Variants in CADM2 observed in about 807,000 individuals in gnomAD.
The protein encoded by CADM2 is cell adhesion molecule 2.
A neutral mutation model predicts 49.8 loss-of-function variants in CADM2; 12 were observed. The ratio of observed to expected loss-of-function variants is 0.24; its 90% CI spans 0.15 to 0.39. CADM2 has a LOEUF of 0.39. Ranked by LOEUF, CADM2 falls within the 10% of genes least tolerant of loss-of-function variation. The pLI is 1.00. For synonymous variants in CADM2, 214 were observed against 175.4 expected (o/e 1.22, Z -1.74); for missense variants, 378 against 492.3 (o/e 0.77, Z 2.20).
At chr3:85,235,515 T>C (rs2042389235) in intron 1 of CADM2, among the ~76,000 whole-genome samples, 1 of 152,098 alleles carries the variant, frequency 6.6e-6, no homozygotes, top group South Asian at 2.1e-4. Flanking sequence ...TTATAAAACA[T>C]AAAATTGAAA....
intron 1 of CADM2, among the ~76,000 whole-genome samples, chr3:85,303,944 A>G (rs1334114506): frequency 1.3e-5 from 2 of 151,958 alleles, no homozygotes; most frequent in East Asian, 3.9e-4. Context: ...CAAAATCTTT[A>G]GGTCTTTGGA....
Position 85,347,223 on chromosome 3 carries a change from C to CAAAAAAA in CADM2, c.62-379278_62-379272dup, listed in dbSNP as rs11331703. Among the ~76,000 whole-genome samples, 368 of 46,150 alleles carry CAAAAAAA rather than the reference C, an allele frequency of 8.0e-3. 23 individuals are homozygous for CAAAAAAA. The highest frequency in any genetic ancestry group is 0.018 in the East Asian group (18 of 1,010). 30.3% of individuals were successfully genotyped at this position (46,150 alleles called of 152,430 possible). ...GTCAACAGAGTGACACTCTGTCTCA[C>CAAAAAAA]AAAAAAAAAAAAAAAAAAAAAAAAA... is the stretch of plus-strand genomic sequence containing the variant. On this transcript the variant is annotated intron_variant, in intron 1 of 9. Transcript: ENST00000383699.
At chr3:86,030,407 A>C (rs1734420152) in intron 8 of CADM2, among the ~76,000 whole-genome samples, 1 of 152,028 alleles carries the variant, frequency 6.6e-6, no homozygotes, top group Admixed American at 6.6e-5. Flanking sequence ...GGAACTCTTA[A>C]GGATATTTAT....
chr3:86,045,815 T>C (rs1027883886), intron 8 of CADM2, among the ~76,000 whole-genome samples: 2 of 152,326 alleles, frequency 1.3e-5, no homozygotes, highest in Non-Finnish European at 2.9e-5. Flanking sequence ...TAGGCTAGTC[T>C]ATTAAATCTT....
chr3:85,120,491 C>T (rs1338857440), intron 1 of CADM2, among the ~76,000 whole-genome samples: 1 of 152,084 alleles, frequency 6.6e-6, no homozygotes, highest in African/African-American at 2.4e-5. Flanking sequence ...GAATACTATG[C>T]AGCCATAAAA....
At chr3:85,404,949 T>A (rs2035301101) in intron 1 of CADM2, among the ~76,000 whole-genome samples, 1 of 152,160 alleles carries the variant, frequency 6.6e-6, no homozygotes, top group African/African-American at 2.4e-5. Flanking sequence ...CTTCCTATTT[T>A]ACAGTTATAT....
At position 85,113,640 on chromosome 3, in the gene CADM2, T is replaced by C. The variant is rs2038536666; in HGVS notation, c.61+153972T>C. On this transcript the variant is annotated intron_variant, in intron 1 of 9. Transcript: ENST00000383699. Reference sequence around the variant, plus strand: ...TTACATTATATACTTCTAAATGTAATTAAAGCAATTTTATTTTAATATTTA... The same window carrying C: ...TTACATTATATACTTCTAAATGTAACTAAAGCAATTTTATTTTAATATTTA... 2.0e-5 allele frequency among the ~76,000 whole-genome samples: 3 copies of C among 151,740 alleles called. No individual in the cohort carries two copies. The South Asian group carries it at 6.2e-4, about 31-fold the overall frequency.
intron 1 of CADM2, among the ~76,000 whole-genome samples, chr3:85,700,065 G>A (rs943373320): frequency 5.3e-5 from 8 of 152,098 alleles, no homozygotes; most frequent in Non-Finnish European, 1.2e-4. Context: ...ATTCACAAAA[G>A]CAAAGACTTG....
intron 1 of CADM2, among the ~76,000 whole-genome samples, chr3:85,300,972 G>A (rs2044083356): frequency 6.6e-6 from 1 of 152,044 alleles, no homozygotes. Flanking sequence ...GAAATCAGAA[G>A]CAAGCAAACC....
chr3:85,607,198 A>G (rs146042179), intron 1 of CADM2, among the ~76,000 whole-genome samples: 111 of 152,306 alleles, frequency 7.3e-4, no homozygotes, highest in African/African-American at 2.4e-3. Flanking sequence ...TTTGCAGGCA[A>G]TTTCTTCAGT....
At chr3:85,645,447 A>G (rs1160966926) in intron 1 of CADM2, among the ~76,000 whole-genome samples, 1 of 152,074 alleles carries the variant, frequency 6.6e-6, no homozygotes, top group Admixed American at 6.6e-5. Context: ...TATTTAGACA[A>G]CAGTAAGTTT....
In CADM2 at chr3:86,065,659, T is replaced by G; in HGVS notation, c.1025T>G (p.Ile342Arg). 6.2e-7 allele frequency: 1 copy of G among 1,614,046 alleles called. No individual in the cohort carries two copies. Among genetic ancestry groups the G allele is most frequent in the Non-Finnish European group, 8.5e-7 (1 of 1,179,948 alleles). Residue 342 changes from isoleucine (I) to arginine (R), a missense_variant, in exon 9 of 10, where the codon ATA (isoleucine) becomes AGA (arginine). Coordinates refer to ENST00000383699, the MANE Select transcript of CADM2 (RefSeq NM_001167675.2). ...CCTGACCATGCTCTCATAGGAGGAA[T>G]AGTGGCTGTAGTTGTATTTGTCACG... is the stretch of plus-strand genomic sequence containing the variant. ...NGPDHALIGG[I>R]VAVVVFVTLC...
intron 6 of CADM2, among the ~76,000 whole-genome samples, chr3:85,926,899 T>C (rs1350714792): frequency 6.6e-6 from 1 of 152,122 alleles, no homozygotes; most frequent in Admixed American, 6.5e-5. Context: ...GAACATAGTA[T>C]GAAAAACATC....
At chr3:85,211,973 A>G (rs952829349) in intron 1 of CADM2, among the ~76,000 whole-genome samples, 3 of 152,108 alleles carry the variant, frequency 2.0e-5, no homozygotes, top group Admixed American at 6.6e-5. Flanking sequence ...TTGGGTGCAT[A>G]TATATCTACA....
intron 1 of CADM2, among the ~76,000 whole-genome samples, chr3:85,434,065 G>A (rs191289909): frequency 6.6e-6 from 1 of 151,352 alleles, no homozygotes; most frequent in East Asian, 2.0e-4. Flanking sequence ...TTTAGATTTT[G>A]CCAAAATTAT....
intron 8 of CADM2, among the ~76,000 whole-genome samples, chr3:85,986,963 G>A (rs540057164): frequency 1.3e-5 from 2 of 152,106 alleles, no homozygotes; most frequent in African/African-American, 4.8e-5. Flanking sequence ...GGTTAGCATC[G>A]AGTGCTAAAG....
chr3:86,049,810 C>A (rs992189675), intron 8 of CADM2, among the ~76,000 whole-genome samples: 4 of 152,136 alleles, frequency 2.6e-5, no homozygotes, highest in Non-Finnish European at 4.4e-5. Context: ...GGTGCCAAAC[C>A]GTTCATGAGA....
intron 7 of CADM2, among the ~76,000 whole-genome samples, chr3:85,942,131 T>C (rs1182905430): frequency 6.6e-6 from 1 of 152,046 alleles, no homozygotes; most frequent in Non-Finnish European, 1.5e-5. Flanking sequence ...TTAGCATTGA[T>C]GTTTTTCACA....
chr3:85,707,625 G>A (rs1250780446), intron 1 of CADM2, among the ~76,000 whole-genome samples: 1 of 152,064 alleles, frequency 6.6e-6, no homozygotes, highest in Non-Finnish European at 1.5e-5. Context: ...AATTTAAGTA[G>A]TGATGTAAAA....
Sources: gnomAD v4.1 joint callset for allele counts (sites outside exome capture counted in the v4.1 genomes callset) on GRCh38, gnomAD v4.1.1 for gene constraint, MANE v1.5 for transcripts, NCBI Gene and HGNC (gene_info 2026-07-23, HGNC 2026-07-21) for gene names.